The following OR51B5 variants were observed in gnomAD, a reference collection of about 807,000 sequenced individuals.
The protein encoded by OR51B5 is olfactory receptor family 51 subfamily B member 5.
For missense variants in OR51B5, 456 were observed against 374.6 expected (o/e 1.22, Z -1.79); for synonymous variants, 186 against 144.8 (o/e 1.28, Z -2.04).
At chr11:5,406,364 C>T (rs1222313411) in intron 1 of OR51B5, among the ~76,000 whole-genome samples, 3 of 152,030 alleles carry the variant, frequency 2.0e-5, no homozygotes, top group African/African-American at 7.2e-5. Flanking sequence ...ATCCTGAAGT[C>T]CAGTCTCAGA....
intron 1 of OR51B5, among the ~76,000 whole-genome samples, chr11:5,438,721 T>C (rs1019553660): frequency 6.6e-6 from 1 of 152,168 alleles, no homozygotes; most frequent in African/African-American, 2.4e-5. Context: ...CATGCAAATC[T>C]CAAGACGAGG....
intron 1 of OR51B5, among the ~76,000 whole-genome samples, chr11:5,460,012 A>G (rs762549553): frequency 5.3e-5 from 8 of 152,194 alleles, no homozygotes; most frequent in Admixed American, 2.6e-4. Context: ...TAATGAAAAT[A>G]TCAAACATAT....
rs147062602 is a variant in OR51B5 at position 5,343,311 on chromosome 11, CCAGCCCCAGGTCTGTGG to C, written c.197_213del (p.Ala66GlyfsTer48). The C allele has an allele frequency of 0.049, 78,779 of 1,608,140 alleles. 2,502 individuals are homozygous for C. The highest frequency in any genetic ancestry group is 0.14 in the African/African-American group (10,094 of 74,762). ...AGCACCGTGGGCATTGTGGTCAGGGCCAGCCCCAGGTCTGTGGCAGCCAGCATGGCCAGAAAGAAGTA... is the reference window on the plus strand; with the variant it reads ...AGCACCGTGGGCATTGTGGTCAGGGCCAGCCAGCATGGCCAGAAAGAAGTA... On this transcript the variant is annotated frameshift_variant, in exon 1 of 1. Transcript: ENST00000300773. LOFTEE classifies it low-confidence loss of function (END_TRUNC).
chr11:5,465,034 G>A lies in OR51B5; in HGVS notation n.84+40535C>T, dbSNP rs182592644. Among the ~76,000 whole-genome samples the A allele has an allele frequency of 2.2e-4, 33 of 151,940 alleles. 1 individual carries two copies. Among genetic ancestry groups the A allele is most frequent in the African/African-American group, 5.8e-4 (24 of 41,482 alleles). ...ATCCCGGCTAAAACGGTGAAACCCC[G>A]TCTCTACTAAAAATACAGAAAATTG... is the stretch of plus-strand genomic sequence containing the variant. On this transcript the variant is annotated intron_variant and non_coding_transcript_variant, in intron 1 of 4. Transcript: ENST00000415970.
At chr11:5,460,265 G>A (rs563396253) in intron 1 of OR51B5, among the ~76,000 whole-genome samples, 3 of 152,030 alleles carry the variant, frequency 2.0e-5, no homozygotes, top group African/African-American at 7.2e-5. Context: ...AAGAGGGAGA[G>A]GATCAAAAAG....
rs572904522 is a variant in OR51B5, at chr11:5,420,024, G to T, written n.85-73114C>A. On this transcript the variant is annotated intron_variant and non_coding_transcript_variant, in intron 1 of 4. Coordinates refer to the OR51B5 transcript ENST00000415970. ...TAATTATAATCTTTTGAAAACAAAT[G>T]TTGCATATTTATTTTAGTTATGATA... Among the ~76,000 whole-genome samples the T allele has an allele frequency of 1.3e-4, 6 of 45,996 alleles. No homozygotes were observed. The South Asian group carries it at 6.4e-3, about 49-fold the overall frequency. The allele number at this position is 45,996 out of a possible 152,430, so 30.2% of individuals were successfully genotyped here.
At chr11:5,355,760 AT>A (rs1447590059) in intron 1 of OR51B5, among the ~76,000 whole-genome samples, 34 of 34,310 alleles carry the variant, frequency 9.9e-4, no homozygotes, top group Admixed American at 2.8e-3. Flanking sequence ...ACCTTTAAAA[AT>A]TAAAAAAAAA....
At chr11:5,424,780 G>A (rs1207377471) in intron 1 of OR51B5, among the ~76,000 whole-genome samples, 1 of 137,206 alleles carries the variant, frequency 7.3e-6, no homozygotes, top group Non-Finnish European at 1.6e-5. Flanking sequence ...AGCAGATGGA[G>A]ACCATCCTGG....
At chr11:5,446,203 T>A (rs1850760740) in intron 1 of OR51B5, among the ~76,000 whole-genome samples, 1 of 151,904 alleles carries the variant, frequency 6.6e-6, no homozygotes, top group Admixed American at 6.6e-5. Context: ...TGTATACATA[T>A]GTAACAAACC....
intron 1 of OR51B5, among the ~76,000 whole-genome samples, chr11:5,408,919 T>C (rs1023152075): frequency 1.3e-5 from 2 of 152,100 alleles, no homozygotes; most frequent in Non-Finnish European, 2.9e-5. Flanking sequence ...GCCCATAACC[T>C]ATAATAATAT....
At chr11:5,386,267 T>G (rs964960651) in intron 1 of OR51B5, among the ~76,000 whole-genome samples, 2 of 151,634 alleles carry the variant, frequency 1.3e-5, no homozygotes, top group Admixed American at 6.6e-5. Context: ...AAAGATGGGT[T>G]TGGAAAGGTG....
At chr11:5,490,585 A>G (rs530347751) in intron 1 of OR51B5, among the ~76,000 whole-genome samples, 5 of 152,326 alleles carry the variant, frequency 3.3e-5, no homozygotes, top group Admixed American at 1.3e-4. Flanking sequence ...TCTGAAATAA[A>G]TAAGTCCAGC....
chr11:5,435,814 A>G (rs2133771992), intron 1 of OR51B5, among the ~76,000 whole-genome samples: 1 of 152,308 alleles, frequency 6.6e-6, no homozygotes, highest in Non-Finnish European at 1.5e-5. Context: ...TTTTTCTAAC[A>G]CTATTTAGCA....
intron 1 of OR51B5, among the ~76,000 whole-genome samples, chr11:5,494,880 GAACA>G (rs1564833058): frequency 1.3e-5 from 2 of 152,152 alleles, no homozygotes; most frequent in East Asian, 3.8e-4. Flanking sequence ...GAGAAACAGA[GAACA>G]GATAGGTCTG....
chr11:5,462,005 A>G (rs1498482), intron 1 of OR51B5, among the ~76,000 whole-genome samples: 41,545 of 151,938 alleles, frequency 0.27, 7,146 homozygotes, highest in Non-Finnish European at 0.38. Context: ...TCTCTCCCCA[A>G]TCAAAGAAAA....
intron 1 of OR51B5, among the ~76,000 whole-genome samples, chr11:5,348,574 T>C (rs1849029038): frequency 6.6e-6 from 1 of 152,136 alleles, no homozygotes; most frequent in Non-Finnish European, 1.5e-5. Flanking sequence ...TGCCTCTGGA[T>C]CAGGGGTACA....
intron 1 of OR51B5, among the ~76,000 whole-genome samples, chr11:5,358,708 C>T (rs956455912): frequency 1.3e-5 from 2 of 151,880 alleles, no homozygotes; most frequent in African/African-American, 4.8e-5. Flanking sequence ...AATTTTAGAC[C>T]AATATCCCTG....
intron 1 of OR51B5, among the ~76,000 whole-genome samples, chr11:5,441,822 AAGAGGAAATGC>A (rs1209602170): frequency 3.9e-5 from 6 of 152,216 alleles, no homozygotes; most frequent in African/African-American, 1.4e-4. Flanking sequence ...GTAGACCAGA[AAGAGGAAATGC>A]ATCCTAGGCT....
chr11:5,343,086 G>C, exon 1 of OR51B5: 1 of 1,613,158 alleles, frequency 6.2e-7, no homozygotes, highest in Non-Finnish European at 8.5e-7. Context: ...CCCCTCATCA[G>C]AACTCCCAGC....
Sources: gnomAD v4.1 joint callset for allele counts (sites outside exome capture counted in the v4.1 genomes callset) on GRCh38, gnomAD v4.1.1 for gene constraint, MANE v1.5 for transcripts, NCBI Gene and HGNC (gene_info 2026-07-23, HGNC 2026-07-21) for gene names.